The following ESYT3 variants were observed in gnomAD, a reference collection of about 807,000 sequenced individuals.
The protein encoded by ESYT3 is extended synaptotagmin-3.
ESYT3 carries 101 observed loss-of-function variants against 111.5 expected under a neutral mutation model. That is an observed-to-expected ratio of 0.91 (90% CI 0.77 to 1.07). The LOEUF (loss-of-function observed/expected upper bound fraction) is 1.07, where lower values mean the gene tolerates loss of function less well. Ranked by LOEUF, ESYT3 falls within the 50% of genes least tolerant of loss-of-function variation. The pLI is 0.00. For synonymous variants in ESYT3, 416 were observed against 446.8 expected, an observed-to-expected ratio of 0.93 and a Z score of 0.87; for missense variants, 1,097 against 1,109.4, an observed-to-expected ratio of 0.99 and a Z score of 0.16.
chr3:138,459,288 G>A, intron 5 of ESYT3, 35 bp downstream of exon 5: 2 of 1,497,918 alleles, frequency 1.3e-6, no homozygotes, highest in South Asian at 2.7e-5. Flanking sequence ...CTCTGTTCCA[G>A]CCCCCAGGGT....
At position 138,476,991 on chromosome 3, in the gene ESYT3, C is replaced by G. The variant is rs796809075; in HGVS notation, c.*137C>G. The G allele has an allele frequency of 7.1e-6, 4 of 565,926 alleles. No homozygotes were observed. The highest frequency in any genetic ancestry group is 8.9e-6 in the Non-Finnish European group (3 of 338,598). The allele number at this position is 565,926 out of a possible 1,614,324, so 35.1% of individuals were successfully genotyped here. The stretch of plus-strand genomic sequence containing the variant: ...ACAACCACTTGAAATTATATACATA[C>G]AATTCTTGTGTGGAATTTAACTCCA... On this transcript the variant is annotated 3_prime_UTR_variant, in exon 23 of 23. Transcript: ENST00000389567.
At position 138,468,166 on chromosome 3, in the gene ESYT3, T is replaced by C; in HGVS notation, c.1280T>C (p.Leu427Ser). The stretch of plus-strand genomic sequence containing the variant: ...CACCTGCGGCTGGAGTGGCTTTCAT[T>C]GCTTACTGACCAAGAAGTTCTGACT... ...RLHLRLEWLS[L>S]LTDQEVLTED... Residue 427 changes from leucine to serine, a missense_variant, in exon 12 of 23, where the codon TTG becomes TCG. Physicochemically the swap from Leu to Ser is moderately radical, Grantham distance 145. Transcript: ENST00000389567. 1 of 1,614,136 alleles carries C rather than the reference T, an allele frequency of 6.2e-7. No individual in the cohort carries two copies. The highest frequency in any genetic ancestry group is 2.2e-5 in the East Asian group (1 of 44,864).
At chr3:138,472,271 C>T (rs1399526161) in intron 17 of ESYT3, 92 bp from the exon 18 acceptor site, 1 of 1,507,560 alleles carries the variant, frequency 6.6e-7, no homozygotes, top group Non-Finnish European at 8.9e-7. Context: ...CTTTATAATT[C>T]ACAACTGAGG....
In ESYT3 at chr3:138,478,463, T is replaced by C. The variant is rs181695484; in HGVS notation, c.*1609T>C. On this transcript the variant is annotated 3_prime_UTR_variant, in exon 23 of 23. Coordinates refer to ENST00000389567, the MANE Select transcript of ESYT3 (RefSeq NM_031913.5). ...TCTAATTGCCCCCTAAATAGACAAG[T>C]GCCTTGAAAATGGAGAAGCACCAGA... 68 of 152,296 alleles carry C rather than the reference T, an allele frequency of 4.5e-4. No homozygotes were observed. Among genetic ancestry groups the C allele is most frequent in the African/African-American group, 1.6e-3 (66 of 41,556 alleles). 9.4% of individuals were successfully genotyped at this position (152,296 alleles called of 1,614,324 possible).
chr3:138,451,757 C>G (rs1207410947), intron 1 of ESYT3, among the ~76,000 whole-genome samples: 1 of 152,242 alleles, frequency 6.6e-6, no homozygotes, highest in South Asian at 2.1e-4. Context: ...AACGCCCACG[C>G]GAGCCTTGGA....
chr3:138,467,537 A>G (rs998172621), intron 10 of ESYT3, 24 bp from the exon 11 acceptor site: 3 of 1,613,744 alleles, frequency 1.9e-6, no homozygotes, highest in African/African-American at 1.3e-5. Context: ...AGCTGACCCA[A>G]TCCCCTCTCC....
intron 18 of ESYT3, 200 bp downstream of exon 18, chr3:138,473,059 G>A (rs572585973): frequency 1.7e-5 from 24 of 1,432,030 alleles, no homozygotes; most frequent in Middle Eastern, 2.4e-4. Flanking sequence ...CTCTAGCTGC[G>A]TACTGACTAT....
rs556882161 is a variant in ESYT3, at chr3:138,467,741, C to A, written c.1218+132C>A. On this transcript the variant is annotated intron_variant, in intron 11 of 22. Transcript: ENST00000389567. Reference sequence around the variant, plus strand: ...TCTGTGCTAGGCTCCATCCTCAGGGCAAGAGCTGGGTGAGGCACAGATGGC... The same window carrying A: ...TCTGTGCTAGGCTCCATCCTCAGGGAAAGAGCTGGGTGAGGCACAGATGGC... 18 of 835,688 alleles carry A rather than the reference C, an allele frequency of 2.2e-5. No individual in the cohort carries two copies. In the African/African-American group the frequency reaches 3.0e-4, roughly 14 times the overall value. The allele number at this position is 835,688 out of a possible 1,614,324, so 51.8% of individuals were successfully genotyped here. A position where few individuals can be genotyped will look rare whatever the true frequency, so the allele number is the denominator to read the frequency against.
chr3:138,449,082 C>CTTTTTTT (rs398040196), intron 1 of ESYT3, among the ~76,000 whole-genome samples: 128 of 113,076 alleles, frequency 1.1e-3, no homozygotes, highest in African/African-American at 3.1e-3. Context: ...CTTTCTTTTT[C>CTTTTTTT]TTTTTTTTTT....
Position 138,470,987 on chromosome 3 carries a change from A to G in ESYT3, c.1701A>G (p.Ser567=), listed in dbSNP as rs1376588108. The stretch of plus-strand genomic sequence containing the variant: ...AGCAGCGCTTTCAGCTGGACCACTC[A>G]GGCCTGGACAGCCTCATCTCCATGA... The part of the protein sequence containing the change: ...TLEQRFQLDH[S]GLDSLISMRL... The change falls in exon 17 of 23, where the codon TCA becomes TCG. Residue 567 remains serine (S), a synonymous_variant. Coordinates refer to ENST00000389567, the MANE Select transcript of ESYT3 (RefSeq NM_031913.5). 2.5e-6 allele frequency: 4 copies of G among 1,614,020 alleles called. No homozygotes were observed. The Admixed American group carries it at 6.7e-5, about 27-fold the overall frequency.
chr3:138,434,717 G>A lies in ESYT3; in HGVS notation c.-82G>A. The A allele has an allele frequency of 7.9e-7, 1 of 1,264,652 alleles. No homozygotes were observed. The highest frequency in any genetic ancestry group is 1.5e-5 in the African/African-American group (1 of 65,530). 78.3% of individuals were successfully genotyped at this position (1,264,652 alleles called of 1,614,324 possible). ...GCGGCGTCCTGGTCCTCGAGCTTGG[G>A]AGACAGATGCGCATGGGCGTGGGGG... On this transcript the variant is annotated 5_prime_UTR_variant, in exon 1 of 23. Transcript: ENST00000389567.
intron 10 of ESYT3, among the ~76,000 whole-genome samples, chr3:138,466,760 A>G (rs1216848665): frequency 6.6e-6 from 1 of 152,196 alleles, no homozygotes; most frequent in East Asian, 1.9e-4. Context: ...TATAAAGAAA[A>G]GAGAGTTTTC....
chr3:138,451,970 G>C, intron 1 of ESYT3, 78 bp from the exon 2 acceptor site: 1 of 1,531,692 alleles, frequency 6.5e-7, no homozygotes, highest in East Asian at 2.3e-5. Flanking sequence ...GGAATGGGAA[G>C]CCCGCCAGGC....
chr3:138,441,863 G>T (rs1447351239), intron 1 of ESYT3, among the ~76,000 whole-genome samples: 1 of 151,770 alleles, frequency 6.6e-6, no homozygotes, highest in Non-Finnish European at 1.5e-5. Flanking sequence ...TCAAGCTAAG[G>T]ATATGAGACT....
intron 3 of ESYT3, 127 bp from the exon 4 acceptor site, chr3:138,457,441 C>A: frequency 1.2e-6 from 1 of 828,634 alleles, no homozygotes; most frequent in Non-Finnish European, 2.1e-6. Flanking sequence ...ATTTACATGT[C>A]TGTGCCTCGT....
At chr3:138,470,836 G>A in intron 16 of ESYT3, 41 bp from the exon 17 acceptor site, 1 of 1,612,866 alleles carries the variant, frequency 6.2e-7, no homozygotes, top group Non-Finnish European at 8.5e-7. Flanking sequence ...GAGTGGTGGG[G>A]CTTGGTTATC....
intron 8 of ESYT3, among the ~76,000 whole-genome samples, chr3:138,463,997 C>A (rs529305279): frequency 4.3e-4 from 66 of 152,276 alleles, no homozygotes; most frequent in African/African-American, 1.5e-3. Flanking sequence ...GTAGGACACA[C>A]AACAGAGGGG....
At chr3:138,447,817 C>T (rs139966226) in intron 1 of ESYT3, among the ~76,000 whole-genome samples, 2 of 151,546 alleles carry the variant, frequency 1.3e-5, no homozygotes, top group South Asian at 2.1e-4. Flanking sequence ...AATATTTAAC[C>T]GTGTCAGCCC....
At chr3:138,458,145 A>G (rs973647907) in intron 4 of ESYT3, among the ~76,000 whole-genome samples, 6 of 152,192 alleles carry the variant, frequency 3.9e-5, no homozygotes, top group Admixed American at 2.0e-4. Context: ...GGAAGTGGCA[A>G]GATTTGAATT....
Sources: allele counts gnomAD v4.1 joint callset (sites outside exome capture counted in the v4.1 genomes callset), GRCh38; gene constraint gnomAD v4.1.1; transcripts MANE v1.5; gene names NCBI Gene and HGNC (gene_info 2026-07-23, HGNC 2026-07-21).